NOTCH1: variants seen among roughly 807,000 people sequenced by gnomAD.
NOTCH1 encodes the protein notch receptor 1.
A neutral mutation model predicts 254.8 loss-of-function variants in NOTCH1; 37 were observed. That is an observed-to-expected ratio of 0.15 (90% CI 0.11 to 0.19). NOTCH1 has a LOEUF of 0.19. NOTCH1 is among the 10% of genes least tolerant of loss of function. NOTCH1 has a pLI of 1.00. For synonymous variants in NOTCH1, 1,731 were observed against 1,618.1 expected (o/e 1.07, Z -1.68); for missense variants, 2,972 against 3,708.6 (o/e 0.80, Z 5.16).
intron 4 of NOTCH1, 146 bp downstream of exon 4, chr9:136,522,704 C>A: frequency 1.3e-6 from 1 of 755,092 alleles, no homozygotes; most frequent in Non-Finnish European, 2.1e-6. Flanking sequence ...ACACCACACG[C>A]AGTCTGGGGA....
At chr9:136,517,997 C>T (rs2133369345) in intron 7 of NOTCH1, 60 bp from the exon 8 acceptor site, 3 of 1,592,134 alleles carry the variant, frequency 1.9e-6, no homozygotes, top group Non-Finnish European at 2.6e-6. Context: ...CAACACCTCA[C>T]TGCACACCAC....
intron 31 of NOTCH1, among the ~76,000 whole-genome samples, chr9:136,499,807 C>T (rs1257621412): frequency 6.6e-5 from 10 of 152,220 alleles, no homozygotes; most frequent in Non-Finnish European, 1.5e-4. Context: ...CACATCTGTG[C>T]AAAGAAGGCA....
rs2133338476 is a variant in NOTCH1, at chr9:136,505,315, C to G, written c.4581G>C (p.Gln1527His). Residue 1527 changes from glutamine to histidine, a missense_variant, in exon 25 of 34, where the codon CAG (glutamine) becomes CAC (histidine). Transcript: ENST00000651671. ...CATGAGCCCCGCAGCCTTACTTGCA[C>G]TGGCCTTCCGCACGCTGGCAGTCAA... Reference protein sequence around the residue: ...DGFDCQRAEGQCNPLYDQYCK... With the variant: ...DGFDCQRAEGHCNPLYDQYCK... The G allele has an allele frequency of 2.5e-6, 4 of 1,573,404 alleles. No homozygotes were observed. Among genetic ancestry groups the G allele is most frequent in the Non-Finnish European group, 3.4e-6 (4 of 1,159,806 alleles).
In NOTCH1 at chr9:136,505,768, G is replaced by A. The variant is rs1292953898; in HGVS notation, c.4128C>T (p.Gly1376=). Residue 1376 remains glycine (G), a synonymous_variant, in exon 25 of 34, where the codon GGC becomes GGT. Coordinates refer to ENST00000651671, the MANE Select transcript of NOTCH1 (RefSeq NM_017617.5). ...ACTGGCATTCGGGGCCCGTGAAGGG[G>A]CCCAGGCACAGGCAGGTGGGGCTGC... ...GPRSPTCLCL[G]PFTGPECQFP... is the part of the protein sequence containing the mutation. 5.7e-6 allele frequency: 9 copies of A among 1,587,410 alleles called. No individual in the cohort carries two copies. The highest frequency in any genetic ancestry group is 4.5e-5 in the South Asian group (4 of 88,624).
intron 2 of NOTCH1, among the ~76,000 whole-genome samples, chr9:136,532,504 C>T (rs1020671543): frequency 1.3e-5 from 2 of 152,162 alleles, no homozygotes; most frequent in Non-Finnish European, 2.9e-5. Flanking sequence ...GGAGGGGCCC[C>T]CACAGCACCA....
intron 1 of NOTCH1, among the ~76,000 whole-genome samples, chr9:136,544,813 G>A (rs1046622988): frequency 6.6e-6 from 1 of 152,122 alleles, no homozygotes; most frequent in Non-Finnish European, 1.5e-5. Flanking sequence ...GGAGGGGGAT[G>A]AAGGTCCCCC....
At position 136,495,389 on chromosome 9, in the gene NOTCH1, A is replaced by G. The variant is rs1842900535; in HGVS notation, c.*682T>C. 5 of 398,956 alleles carry G rather than the reference A, an allele frequency of 1.3e-5. No individual in the cohort carries two copies. In the South Asian group the frequency reaches 6.4e-4, roughly 51 times the overall value. 24.7% of individuals were successfully genotyped at this position (398,956 alleles called of 1,614,324 possible). ...CCATGGGTGCACTCTTGGCATACAC[A>G]CTCCGAGAACACATTTTCACAAGCA... On this transcript the variant is annotated 3_prime_UTR_variant, in exon 34 of 34. Coordinates refer to ENST00000651671, the MANE Select transcript of NOTCH1 (RefSeq NM_017617.5).
At position 136,505,663 on chromosome 9, in the gene NOTCH1, G is replaced by A. The variant is rs1465090273; in HGVS notation, c.4233C>T (p.Phe1411=). 6.2e-6 allele frequency: 10 copies of A among 1,611,692 alleles called. No individual in the cohort carries two copies. Among genetic ancestry groups the A allele is most frequent in the Non-Finnish European group, 8.5e-6 (10 of 1,179,292 alleles). ...GTCEPTSESP[F]YRCLCPAKFN... ...ATTTGGCGGGGCACAGGCAACGGTA[G>A]AAGGGGCTCTCGGATGTGGGCTCAC... Residue 1411 remains phenylalanine (F), a synonymous_variant, in exon 25 of 34, where the codon TTC becomes TTT. Transcript: ENST00000651671.
At chr9:136,532,109 G>A (rs533628294) in intron 2 of NOTCH1, among the ~76,000 whole-genome samples, 3 of 152,350 alleles carry the variant, frequency 2.0e-5, no homozygotes, top group Admixed American at 1.3e-4. Context: ...ATCCAGGCAG[G>A]TGCCTGCAGC....
chr9:136,499,587 G>A (rs989298039), intron 31 of NOTCH1, among the ~76,000 whole-genome samples: 4 of 152,324 alleles, frequency 2.6e-5, no homozygotes, highest in South Asian at 2.1e-4. Flanking sequence ...TGCCCCCAAC[G>A]GCGGTTACAG....
chr9:136,517,428 G>A lies in NOTCH1; in HGVS notation c.1442-43C>T, dbSNP rs9411254. 491,556 of 1,328,240 alleles carry A rather than the reference G, an allele frequency of 0.37. 98,189 individuals are homozygous for A. The highest frequency in any genetic ancestry group is 0.86 in the East Asian group (34,629 of 40,182). 82.3% of individuals were successfully genotyped at this position (1,328,240 alleles called of 1,614,324 possible). ...AGTGAGGGGGGCACGCGCGGCCCCA[G>A]TGCCCCACTGGGCACAGCTGTGGAC... is the stretch of plus-strand genomic sequence containing the variant. On this transcript the variant is annotated intron_variant, in intron 8 of 33. Transcript: ENST00000651671.
At chr9:136,531,172 CTG>C (rs749594091) in intron 2 of NOTCH1, among the ~76,000 whole-genome samples, 1 of 152,200 alleles carries the variant, frequency 6.6e-6, no homozygotes, top group Non-Finnish European at 1.5e-5. Context: ...AGTGAAGAAA[CTG>C]AGCCCACAAC....
At chr9:136,528,109 C>G (rs1843497412) in intron 2 of NOTCH1, among the ~76,000 whole-genome samples, 1 of 151,680 alleles carries the variant, frequency 6.6e-6, no homozygotes, top group South Asian at 2.1e-4. Context: ...TCCCTCCGCC[C>G]CAAAATGAGA....
intron 24 of NOTCH1, 50 bp from the exon 25 acceptor site, chr9:136,505,931 C>T: frequency 2.7e-6 from 4 of 1,481,990 alleles, no homozygotes; most frequent in Non-Finnish European, 3.6e-6. Flanking sequence ...ACCCCCCGCC[C>T]CCCCGCCACC....
intron 30 of NOTCH1, among the ~76,000 whole-genome samples, chr9:136,501,077 G>C (rs1247965127): frequency 6.6e-6 from 1 of 152,184 alleles, no homozygotes; most frequent in African/African-American, 2.4e-5. Context: ...TTCCTGACCT[G>C]CCCAAGACCT....
At chr9:136,511,380 G>A (rs1196023111) in intron 15 of NOTCH1, 109 bp from the exon 16 acceptor site, 8 of 1,407,522 alleles carry the variant, frequency 5.7e-6, no homozygotes, top group East Asian at 2.5e-5. Context: ...TGCTGGTCCC[G>A]CCGGGAGGCA....
At position 136,517,395 on chromosome 9, in the gene NOTCH1, G is replaced by A; in HGVS notation, c.1442-10C>T. On this transcript the variant is annotated splice_polypyrimidine_tract_variant and intron_variant, in intron 8 of 33. Coordinates refer to ENST00000651671, the MANE Select transcript of NOTCH1 (RefSeq NM_017617.5). ...TGCACACCCTCGTAGCCTGTGGGGTGGGGCAACAGTGAGGGGGGCACGCGC... is the reference window on the plus strand; with the variant it reads ...TGCACACCCTCGTAGCCTGTGGGGTAGGGCAACAGTGAGGGGGGCACGCGC... 1 of 1,570,886 alleles carries A rather than the reference G, an allele frequency of 6.4e-7. No homozygotes were observed. The highest frequency in any genetic ancestry group is 8.7e-7 in the Non-Finnish European group (1 of 1,153,056).
At position 136,531,465 on chromosome 9, in the gene NOTCH1, C is replaced by T. The variant is rs146155318; in HGVS notation, c.141-7486G>A. On this transcript the variant is annotated intron_variant, in intron 2 of 33. Coordinates refer to ENST00000651671, the MANE Select transcript of NOTCH1 (RefSeq NM_017617.5). ...CCCCGCACCCCCAGCCCCACCCAGA[C>T]GGTCTGGATGTTTTGCCTGACCACC... Among the ~76,000 whole-genome samples the T allele has an allele frequency of 4.5e-3, 692 of 152,350 alleles. 5 individuals carry two copies. The highest frequency in any genetic ancestry group is 0.016 in the African/African-American group (654 of 41,578).
chr9:136,520,895 G>A (rs1237272975), intron 4 of NOTCH1, among the ~76,000 whole-genome samples: 3 of 152,152 alleles, frequency 2.0e-5, no homozygotes, highest in Non-Finnish European at 2.9e-5. Flanking sequence ...GGGAGAGGGC[G>A]GGAAGCCAGC....
Sources: gnomAD v4.1 joint callset for allele counts (sites outside exome capture counted in the v4.1 genomes callset) on GRCh38, gnomAD v4.1.1 for gene constraint, MANE v1.5 for transcripts, NCBI Gene and HGNC (gene_info 2026-07-23, HGNC 2026-07-21) for gene names.